Variants in ADGRD1 observed in about 807,000 individuals in gnomAD.
ADGRD1 encodes G-protein coupled receptor 133.
Under a neutral mutation model 113.4 loss-of-function variants are expected in ADGRD1, and 77 were observed. That is an observed-to-expected ratio of 0.68 (90% CI 0.57 to 0.82). The LOEUF is 0.82. Ranked by LOEUF, ADGRD1 falls within the 40% of genes least tolerant of loss-of-function variation. The probability of loss-of-function intolerance (pLI) is 0.00; values close to 1 mark genes in which losing one functional copy is unlikely to be tolerated. For missense variants in ADGRD1, 1,036 were observed against 1,139.1 expected (o/e 0.91, Z 1.30); for synonymous variants, 474 against 475.0 (o/e 1.00, Z 0.03).
At chr12:131,008,748 A>G (rs12298703) in intron 12 of ADGRD1, among the ~76,000 whole-genome samples, 12,605 of 152,274 alleles carry the variant, frequency 0.083, 1,518 homozygotes, top group African/African-American at 0.27. Flanking sequence ...GCACCGGGAC[A>G]GCCGGTTCCT....
intron 4 of ADGRD1, among the ~76,000 whole-genome samples, chr12:130,980,199 G>C (rs1458218996): frequency 6.6e-6 from 1 of 151,958 alleles, no homozygotes; most frequent in Non-Finnish European, 1.5e-5. Flanking sequence ...CTGCCTCCCG[G>C]GTTCACGCCA....
rs915419196 is a variant in ADGRD1, at chr12:131,075,008, G to A, written c.1474-1793G>A. On this transcript the variant is annotated intron_variant, in intron 13 of 24. Coordinates refer to ENST00000261654, the MANE Select transcript of ADGRD1 (RefSeq NM_198827.5). This position sits in a 1 kb window ranked among gnomAD's most constrained non-coding sequence, Gnocchi z 5.3. Reference sequence around the variant, plus strand: ...CTCCCTTGGGACTGCGCTTCCACACGTGGGGCAGAGGCGGGGGCTGGCACT... The same window carrying A: ...CTCCCTTGGGACTGCGCTTCCACACATGGGGCAGAGGCGGGGGCTGGCACT... 5.9e-5 allele frequency among the ~76,000 whole-genome samples: 9 copies of A among 152,206 alleles called. No homozygotes were observed. The highest frequency in any genetic ancestry group is 1.3e-4 in the Admixed American group (2 of 15,288).
chr12:131,000,032 G>A (rs2136710686), intron 8 of ADGRD1, among the ~76,000 whole-genome samples: 1 of 152,230 alleles, frequency 6.6e-6, no homozygotes, highest in South Asian at 2.1e-4. Context: ...CATCCAGCAG[G>A]TCATGATTTT....
chr12:131,063,913 AT>A (rs967590419), intron 13 of ADGRD1, among the ~76,000 whole-genome samples: 5 of 152,184 alleles, frequency 3.3e-5, no homozygotes, highest in African/African-American at 1.2e-4. Context: ...CTTCCAATCC[AT>A]TAACATGGCG....
intron 14 of ADGRD1, among the ~76,000 whole-genome samples, chr12:131,077,560 C>A (rs185801876): frequency 2.7e-5 from 4 of 150,176 alleles, no homozygotes; most frequent in African/African-American, 7.6e-5. Context: ...TGAATGGCTC[C>A]CACAGTCACA....
Position 131,026,190 on chromosome 12 carries a change from T to C in ADGRD1, c.1473+11850T>C, listed in dbSNP as rs566797025. The C allele has an allele frequency of 2.6e-5, 4 of 152,372 alleles. No homozygotes were observed. The East Asian group carries it at 7.7e-4, about 29-fold the overall frequency. 9.4% of individuals were successfully genotyped at this position (152,372 alleles called of 1,614,324 possible). A position where few individuals can be genotyped will look rare whatever the true frequency, so the allele number is the denominator to read the frequency against. On this transcript the variant is annotated intron_variant, in intron 13 of 24. Coordinates refer to ENST00000261654, the MANE Select transcript of ADGRD1 (RefSeq NM_198827.5). The stretch of plus-strand genomic sequence containing the variant: ...GGCAGCCGCGGGTGTGGCTGGGCCA[T>C]GGACTGTGTCTCAGTGGACTGTGTC...
intron 20 of ADGRD1, among the ~76,000 whole-genome samples, chr12:131,130,569 G>A (rs1335095433): frequency 6.6e-6 from 1 of 152,234 alleles, no homozygotes; most frequent in African/African-American, 2.4e-5. Context: ...GAGGAGGAAG[G>A]GGAAGGGCTC....
chr12:130,999,636 G>A (rs1022326885), intron 8 of ADGRD1, among the ~76,000 whole-genome samples: 3 of 152,184 alleles, frequency 2.0e-5, no homozygotes, highest in African/African-American at 7.2e-5. Flanking sequence ...TTAAGACTGT[G>A]TGTGAATAAT....
At chr12:130,972,317 G>A (rs1462637935) in intron 4 of ADGRD1, among the ~76,000 whole-genome samples, 2 of 152,176 alleles carry the variant, frequency 1.3e-5, no homozygotes, top group African/African-American at 4.8e-5. Flanking sequence ...GATTTCTAGG[G>A]AGGAACAAAG....
intron 13 of ADGRD1, among the ~76,000 whole-genome samples, chr12:131,063,946 T>A (rs1237528853): frequency 6.6e-6 from 1 of 152,232 alleles, no homozygotes; most frequent in Admixed American, 6.5e-5. Context: ...TTATTTAAAA[T>A]CTTCTTTGGT....
rs545177857 is a variant in ADGRD1 at position 130,971,899 on chromosome 12, G to A, written c.310+319G>A. 2.6e-5 allele frequency among the ~76,000 whole-genome samples: 4 copies of A among 152,346 alleles called. No homozygotes were observed. Among genetic ancestry groups the A allele is most frequent in the East Asian group, 3.9e-4 (2 of 5,194 alleles). On this transcript the variant is annotated intron_variant, in intron 4 of 24. Coordinates refer to ENST00000261654, the MANE Select transcript of ADGRD1 (RefSeq NM_198827.5). The surrounding 1 kb of genome is among the most constrained non-coding windows in gnomAD (Gnocchi z 4.2). ...GTCACAGTGGGGACTGGACAGGGCC[G>A]TGGCGTTTGTGGGAAGGAAATTGAT... is the stretch of plus-strand genomic sequence containing the variant.
intron 4 of ADGRD1, among the ~76,000 whole-genome samples, chr12:130,972,712 G>A (rs566510370): frequency 3.5e-4 from 53 of 151,372 alleles, no homozygotes; most frequent in African/African-American, 1.3e-3. Context: ...CATTGGATTC[G>A]GGAAGGGCGG....
intron 13 of ADGRD1, among the ~76,000 whole-genome samples, chr12:131,018,772 T>G (rs1878951075): frequency 6.6e-6 from 1 of 152,058 alleles, no homozygotes; most frequent in African/African-American, 2.4e-5. Context: ...GACATTCTCG[T>G]GGAACTTCTT....
At chr12:131,004,153 G>A (rs536167357) in intron 10 of ADGRD1, 33 bp from the exon 11 acceptor site, 87 of 1,379,128 alleles carry the variant, frequency 6.3e-5, no homozygotes, top group Middle Eastern at 1.8e-4. Context: ...GAGCTCTGAC[G>A]GGACTTCCGC....
intron 13 of ADGRD1, among the ~76,000 whole-genome samples, chr12:131,071,565 A>G (rs1885171785): frequency 6.6e-6 from 1 of 152,314 alleles, no homozygotes; most frequent in East Asian, 1.9e-4. Context: ...CAGGACACTC[A>G]GGACCTCTTT....
Position 131,004,260 on chromosome 12 carries a change from T to A in ADGRD1, c.1219T>A (p.Phe407Ile). ...CCGCTTCCCGGCCCACGGGCAGAGCTTCATCCAGATCCCCCACGAGGCCTT... is the reference window on the plus strand; with the variant it reads ...CCGCTTCCCGGCCCACGGGCAGAGCATCATCCAGATCCCCCACGAGGCCTT... ...HYRFPAHGQSFIQIPHEAFHR... is the reference protein window; with the variant it reads ...HYRFPAHGQSIIQIPHEAFHR... The change falls in exon 11 of 25, where the codon TTC (phenylalanine) becomes ATC (isoleucine). Residue 407 changes from phenylalanine (F) to isoleucine (I), a missense_variant. Coordinates refer to ENST00000261654, the MANE Select transcript of ADGRD1 (RefSeq NM_198827.5). The A allele has an allele frequency of 6.8e-6, 11 of 1,613,702 alleles. No individual in the cohort carries two copies. Among genetic ancestry groups the A allele is most frequent in the Non-Finnish European group, 9.3e-6 (11 of 1,179,874 alleles).
In ADGRD1 at chr12:130,987,153, C is replaced by T. The variant is rs376910160; in HGVS notation, c.549C>T (p.Tyr183=). 36 of 1,613,880 alleles carry T rather than the reference C, an allele frequency of 2.2e-5. No homozygotes were observed. Among genetic ancestry groups the T allele is most frequent in the Non-Finnish European group, 2.7e-5 (32 of 1,179,728 alleles). The change falls in exon 6 of 25, where the codon TAC becomes TAT. Residue 183 remains tyrosine (Y), a synonymous_variant. Coordinates refer to ENST00000261654, the MANE Select transcript of ADGRD1 (RefSeq NM_198827.5). The part of the protein sequence containing the change: ...TWKSKEGLKV[Y]VNGTLSTSDP... ...AATCCAAGGAGGGCCTGAAAGTCTA[C>T]GTCAACGGGACCCTGAGCACCTCTG...
rs558450378 is a variant in ADGRD1, at chr12:131,082,634, G to A, written c.1548-1906G>A. Among the ~76,000 whole-genome samples the A allele has an allele frequency of 2.0e-5, 3 of 152,252 alleles. No individual in the cohort carries two copies. In the East Asian group the frequency reaches 5.8e-4, roughly 29 times the overall value. Reference sequence around the variant, plus strand: ...TTATGCAGCCAATTGACAGACAAAGGCGCAATATATAACACAACAGCTGGT... The same window carrying A: ...TTATGCAGCCAATTGACAGACAAAGACGCAATATATAACACAACAGCTGGT... On this transcript the variant is annotated intron_variant, in intron 14 of 24. Coordinates refer to ENST00000261654, the MANE Select transcript of ADGRD1 (RefSeq NM_198827.5).
intron 13 of ADGRD1, among the ~76,000 whole-genome samples, chr12:131,062,248 C>T (rs1884389951): frequency 6.6e-6 from 1 of 152,196 alleles, no homozygotes. Flanking sequence ...TTGCCTTGGC[C>T]TCCCAAAGTG....
Sources: allele counts gnomAD v4.1 joint callset (sites outside exome capture counted in the v4.1 genomes callset), GRCh38; gene constraint gnomAD v4.1.1; non-coding constraint Gnocchi (gnomAD v3.1); transcripts MANE v1.5; gene names NCBI Gene and HGNC (gene_info 2026-07-23, HGNC 2026-07-21).